The following DCX variants were observed in gnomAD, a reference collection of about 807,000 sequenced individuals.
The protein encoded by DCX is neuronal migration protein doublecortin.
A neutral mutation model predicts 20.9 loss-of-function variants in DCX; 4 were observed. The observed-to-expected ratio is 0.19, with a 90% CI of 0.09 to 0.44. The LOEUF is 0.44. DCX is among the 20% of genes least tolerant of loss of function. The probability of loss-of-function intolerance (pLI) is 0.99; values close to 1 mark genes in which losing one functional copy is unlikely to be tolerated. For synonymous variants in DCX, 103 were observed against 111.4 expected (o/e 0.92, Z 0.47); for missense variants, 133 against 296.9 (o/e 0.45, Z 4.06).
At chrX:111,323,273 C>T (rs2095090980) in intron 5 of DCX, among the ~76,000 whole-genome samples, 1 of 112,007 alleles carries the variant, frequency 8.9e-6, no homozygotes, top group South Asian at 3.7e-4. Flanking sequence ...GCTAACCTAA[C>T]CTCTCTGAGT....
intron 3 of DCX, among the ~76,000 whole-genome samples, chrX:111,342,525 A>T (rs1240813740): frequency 1.9e-5 from 2 of 105,377 alleles, no homozygotes; most frequent in East Asian, 6.1e-4. Flanking sequence ...AAAATTAACA[A>T]GGATATTCCA....
chrX:111,402,482 C>G (rs1356771811), intron 2 of DCX, among the ~76,000 whole-genome samples: 2 of 111,459 alleles, frequency 1.8e-5, no homozygotes, highest in East Asian at 5.7e-4. Context: ...TTTAATCAGG[C>G]TTAAGTCATC....
At chrX:111,341,472 C>A (rs1298126435) in intron 3 of DCX, among the ~76,000 whole-genome samples, 1 of 111,294 alleles carries the variant, frequency 9.0e-6, no homozygotes, top group African/African-American at 3.3e-5. Context: ...TCCAGGAGAA[C>A]TTCCCCAACC....
At chrX:111,334,836 A>C (rs1052974877) in intron 3 of DCX, among the ~76,000 whole-genome samples, 1 of 112,066 alleles carries the variant, frequency 8.9e-6, no homozygotes, top group Non-Finnish European at 1.9e-5. Context: ...TGTCATGAGT[A>C]CTAGGATGGG....
At chrX:111,406,242 T>A (rs1345618062) in intron 2 of DCX, among the ~76,000 whole-genome samples, 1 of 112,075 alleles carries the variant, frequency 8.9e-6, no homozygotes, top group Non-Finnish European at 1.9e-5. Context: ...CTGGGGATTC[T>A]GATTCAATAG....
chrX:111,397,757 A>ATG (rs1195067945), intron 3 of DCX, among the ~76,000 whole-genome samples: 7 of 109,294 alleles, frequency 6.4e-5, no homozygotes, highest in Non-Finnish European at 1.3e-4. Flanking sequence ...CACTCTGTGC[A>ATG]TGTGTGTGTG....
intron 1 of DCX, chrX:111,410,629 G>A: frequency 1.2e-6 from 1 of 849,931 alleles, no homozygotes; most frequent in East Asian, 3.2e-5. Flanking sequence ...AGAAGGAGGG[G>A]CTGGGCGGGG....
At chrX:111,343,879 G>T (rs1315943670) in intron 3 of DCX, among the ~76,000 whole-genome samples, 2 of 111,149 alleles carry the variant, frequency 1.8e-5, no homozygotes, top group Non-Finnish European at 3.8e-5. Context: ...CTACTCAGGA[G>T]TCTGAGGCAG....
intron 1 of DCX, chrX:111,410,661 G>T: frequency 2.1e-6 from 2 of 966,726 alleles, no homozygotes; most frequent in Non-Finnish European, 3.0e-6. Context: ...TGTGGGGGTT[G>T]GGAGTAAGAG....
chrX:111,367,045 CATGTGAATTCACTACGTTGAAA>C (rs1924677484), intron 3 of DCX, among the ~76,000 whole-genome samples: 1 of 111,743 alleles, frequency 8.9e-6, no homozygotes, highest in Non-Finnish European at 1.9e-5. Context: ...CAGATTTCAT[CATGTGAATTCACTACGTTGAAA>C]ATGTAAATTT....
Position 111,301,640 on chromosome X carries a change from T to A in DCX, c.*47A>T, listed in dbSNP as rs2095034193. ...CTTGAGCAGAAGTACCCTACTACAA[T>A]GATAGGCTTGGATTTGTACTCTGGA... On this transcript the variant is annotated 3_prime_UTR_variant, in exon 7 of 7. Transcript: ENST00000636035. 8.6e-7 allele frequency: 1 copy of A among 1,166,172 alleles called. No individual in the cohort carries two copies. Among genetic ancestry groups the A allele is most frequent in the African/African-American group, 1.8e-5 (1 of 56,206 alleles).
intron 3 of DCX, among the ~76,000 whole-genome samples, chrX:111,335,981 T>A (rs751485698): frequency 9.0e-6 from 1 of 111,003 alleles, no homozygotes; most frequent in South Asian, 3.9e-4. Flanking sequence ...AAGAAAAGTC[T>A]CAATAATTAA....
intron 3 of DCX, among the ~76,000 whole-genome samples, chrX:111,350,276 G>A: frequency 9.0e-6 from 1 of 111,634 alleles, no homozygotes; most frequent in Non-Finnish European, 1.9e-5. Context: ...GTCCTGGAGA[G>A]TAGATCTGCC....
chrX:111,382,871 CA>C (rs1287661610), intron 3 of DCX, among the ~76,000 whole-genome samples: 3 of 110,805 alleles, frequency 2.7e-5, no homozygotes, highest in Non-Finnish European at 5.7e-5. Flanking sequence ...TTCTAGGAGT[CA>C]TTCAACAAAT....
chrX:111,330,030 A>G (rs1170942627), intron 5 of DCX, among the ~76,000 whole-genome samples: 1 of 112,037 alleles, frequency 8.9e-6, no homozygotes, highest in East Asian at 2.8e-4. Context: ...TATTTTTGAT[A>G]TTTGTTATAA....
At chrX:111,363,640 A>G (rs1924386666) in intron 3 of DCX, among the ~76,000 whole-genome samples, 1 of 110,994 alleles carries the variant, frequency 9.0e-6, no homozygotes, top group Non-Finnish European at 1.9e-5. Flanking sequence ...CCTAGTTTCA[A>G]ATAATGCTGA....
chrX:111,314,445 C>T (rs903567422), intron 5 of DCX, among the ~76,000 whole-genome samples: 1 of 111,573 alleles, frequency 9.0e-6, no homozygotes, highest in African/African-American at 3.3e-5. Context: ...GCCTGGAAGA[C>T]AAACAAGAGG....
intron 3 of DCX, among the ~76,000 whole-genome samples, chrX:111,348,930 C>T (rs1419520876): frequency 2.7e-5 from 3 of 110,375 alleles, no homozygotes; most frequent in Non-Finnish European, 5.7e-5. Context: ...TTCTAGGTTA[C>T]AACTTGACAC....
chrX:111,359,273 T>A (rs1186236355), intron 3 of DCX, among the ~76,000 whole-genome samples: 1 of 111,810 alleles, frequency 8.9e-6, no homozygotes, highest in Non-Finnish European at 1.9e-5. Context: ...AATGTACACA[T>A]GGAAGTTTAT....
Sources: gnomAD v4.1 joint callset for allele counts (sites outside exome capture counted in the v4.1 genomes callset) on GRCh38, gnomAD v4.1.1 for gene constraint, MANE v1.5 for transcripts, NCBI Gene and HGNC (gene_info 2026-07-23, HGNC 2026-07-21) for gene names.